SLMAP: variants seen among roughly 807,000 people sequenced by gnomAD.
SLMAP encodes sarcolemma associated protein.
A neutral mutation model predicts 128.8 loss-of-function variants in SLMAP; 44 were observed. The ratio of observed to expected loss-of-function variants is 0.34; its 90% CI spans 0.27 to 0.44. SLMAP has a LOEUF of 0.44. Ranked by LOEUF, SLMAP falls within the 20% of genes least tolerant of loss-of-function variation. SLMAP has a pLI of 1.00. For missense variants in SLMAP, 787 were observed against 985.3 expected (o/e 0.80, Z 2.69); for synonymous variants, 327 against 348.8 (o/e 0.94, Z 0.70).
At chr3:57,874,859 CAAAA>C (rs1181269991) in intron 14 of SLMAP, among the ~76,000 whole-genome samples, 1 of 67,418 alleles carries the variant, frequency 1.5e-5, no homozygotes. Context: ...AACTCTGTCT[CAAAA>C]AAAAAAAAAA....
At position 57,891,338 on chromosome 3, in the gene SLMAP, G is replaced by A. The variant is rs190470634; in HGVS notation, c.1360+1238G>A. 493 of 151,958 alleles carry A rather than the reference G, an allele frequency of 3.2e-3. 2 individuals are homozygous for A. The highest frequency in any genetic ancestry group is 0.011 in the African/African-American group (467 of 41,444). 9.4% of individuals were successfully genotyped at this position (151,958 alleles called of 1,614,324 possible). A position where few individuals can be genotyped will look rare whatever the true frequency, so the allele number is the denominator to read the frequency against. The stretch of plus-strand genomic sequence containing the variant: ...TATTGGAAAAGTTTTGTGCATTACT[G>A]ATTTCCCTTTTTAATTTATTGTTTT... On this transcript the variant is annotated intron_variant, in intron 15 of 24. Coordinates refer to ENST00000671191, the MANE Select transcript of SLMAP (RefSeq NM_001377540.1).
rs879633348 is a variant in SLMAP at position 57,923,150 on chromosome 3, A to G, written c.2445+127A>G. 9.2e-6 allele frequency: 8 copies of G among 869,400 alleles called. No individual in the cohort carries two copies. The Admixed American group carries it at 9.2e-5, about 10-fold the overall frequency. The allele number at this position is 869,400 out of a possible 1,614,324, so 53.9% of individuals were successfully genotyped here. ...CAGATGAAATAGGCTTTTCATTATG[A>G]AATTCCATGATAGAATCATTGTGCT... On this transcript the variant is annotated intron_variant, in intron 23 of 24. Transcript: ENST00000671191.
At chr3:57,803,787 G>T (rs1201001400) in intron 2 of SLMAP, among the ~76,000 whole-genome samples, 1 of 152,096 alleles carries the variant, frequency 6.6e-6, no homozygotes, top group Non-Finnish European at 1.5e-5. Context: ...TGCTTTTCTA[G>T]CTCGCCTAAA....
intron 3 of SLMAP, among the ~76,000 whole-genome samples, chr3:57,831,997 G>A (rs2093366926): frequency 6.6e-6 from 1 of 152,220 alleles, no homozygotes; most frequent in Admixed American, 6.5e-5. Flanking sequence ...CAAGCCCCAG[G>A]CATCATTTTC....
chr3:57,784,909 T>C (rs1698077042), intron 2 of SLMAP, among the ~76,000 whole-genome samples: 1 of 152,148 alleles, frequency 6.6e-6, no homozygotes, highest in Admixed American at 6.5e-5. Flanking sequence ...TCTTGTGCTC[T>C]CTTACCCTTT....
At chr3:57,916,091 G>A (rs1425460490) in intron 21 of SLMAP, among the ~76,000 whole-genome samples, 2 of 151,148 alleles carry the variant, frequency 1.3e-5, no homozygotes, top group Non-Finnish European at 2.9e-5. Context: ...GGGAGGCAGA[G>A]GTTGCAGTGA....
At chr3:57,782,424 A>G (rs115557999) in intron 2 of SLMAP, among the ~76,000 whole-genome samples, 1,927 of 152,304 alleles carry the variant, frequency 0.013, 28 homozygotes, top group African/African-American at 0.044. Flanking sequence ...GCTTTCTGAT[A>G]TCATTTAGTT....
At chr3:57,921,039 G>T (rs182314775) in intron 22 of SLMAP, among the ~76,000 whole-genome samples, 93 of 151,666 alleles carry the variant, frequency 6.1e-4, no homozygotes, top group African/African-American at 2.1e-3. Context: ...AGGGATGGCA[G>T]AGTGGGGTAG....
intron 22 of SLMAP, chr3:57,917,339 A>C (rs576928799): frequency 1.4e-6 from 1 of 718,930 alleles, no homozygotes; most frequent in African/African-American, 1.8e-5. Context: ...TATATGAGAA[A>C]TCCTTTGTAC....
At chr3:57,899,529 G>A (rs1383050136) in intron 17 of SLMAP, 4 of 152,052 alleles carry the variant, frequency 2.6e-5, no homozygotes, top group Non-Finnish European at 5.9e-5. Context: ...AGATTTTGTG[G>A]CTTGATTTTA....
intron 2 of SLMAP, among the ~76,000 whole-genome samples, chr3:57,808,146 T>C (rs2090251048): frequency 6.6e-6 from 1 of 151,986 alleles, no homozygotes; most frequent in Admixed American, 6.6e-5. Context: ...CTATTCTCTC[T>C]TTTCTTCTTT....
Position 57,860,849 on chromosome 3 carries a change from T to C in SLMAP, c.828+10T>C. 1.4e-6 allele frequency: 2 copies of C among 1,471,844 alleles called. No individual in the cohort carries two copies. Among genetic ancestry groups the C allele is most frequent in the Non-Finnish European group, 1.8e-6 (2 of 1,089,042 alleles). 91.2% of individuals were successfully genotyped at this position (1,471,844 alleles called of 1,614,324 possible). The stretch of plus-strand genomic sequence containing the variant: ...ACTTTCAGAAGTTGAGGTATTTCAA[T>C]CAAAAAAAAAATACTAAATAGTATT... On this transcript the variant is annotated intron_variant, in intron 9 of 24. Transcript: ENST00000671191.
rs2077838656 is a variant in SLMAP at position 57,757,641 on chromosome 3, G to C, written c.-11G>C. ...GTCCCTGGTAGGAGAGACACCCCCA[G>C]TCTATCCTCGATGCCGTCAGCCTTG... On this transcript the variant is annotated 5_prime_UTR_variant, in exon 2 of 25. Transcript: ENST00000671191. 8 of 1,613,552 alleles carry C rather than the reference G, an allele frequency of 5.0e-6. No homozygotes were observed. The highest frequency in any genetic ancestry group is 6.8e-6 in the Non-Finnish European group (8 of 1,179,914).
At chr3:57,786,745 T>G (rs914892255) in intron 2 of SLMAP, among the ~76,000 whole-genome samples, 39 of 147,782 alleles carry the variant, frequency 2.6e-4, no homozygotes, top group African/African-American at 9.5e-4. Flanking sequence ...TTTTTTTTTT[T>G]TTTTTTGAGT....
intron 17 of SLMAP, among the ~76,000 whole-genome samples, chr3:57,906,028 T>A (rs2096528592): frequency 6.9e-6 from 1 of 144,984 alleles, no homozygotes; most frequent in South Asian, 2.1e-4. Flanking sequence ...AGCATCATGA[T>A]GCTTCTCTTC....
At chr3:57,801,930 C>T (rs2088536539) in intron 2 of SLMAP, among the ~76,000 whole-genome samples, 1 of 151,980 alleles carries the variant, frequency 6.6e-6, no homozygotes, top group Non-Finnish European at 1.5e-5. Context: ...ATACTTTTTG[C>T]TACATTTGAC....
At chr3:57,785,447 A>G (rs572167640) in intron 2 of SLMAP, among the ~76,000 whole-genome samples, 135 of 152,322 alleles carry the variant, frequency 8.9e-4, no homozygotes, top group South Asian at 5.6e-3. Flanking sequence ...ATAATTATGC[A>G]TTTAAGGGGA....
At chr3:57,902,594 G>A (rs2096415584) in intron 17 of SLMAP, among the ~76,000 whole-genome samples, 1 of 152,142 alleles carries the variant, frequency 6.6e-6, no homozygotes, top group South Asian at 2.1e-4. Context: ...GGTAATTACT[G>A]TGGAAATTTC....
intron 22 of SLMAP, among the ~76,000 whole-genome samples, chr3:57,920,802 G>A (rs190629388): frequency 2.0e-5 from 3 of 152,168 alleles, no homozygotes; most frequent in Admixed American, 1.3e-4. Flanking sequence ...ATCACTCAAG[G>A]TCAGGAGTTC....
Sources: allele counts gnomAD v4.1 joint callset (sites outside exome capture counted in the v4.1 genomes callset), GRCh38; gene constraint gnomAD v4.1.1; transcripts MANE v1.5; gene names NCBI Gene and HGNC (gene_info 2026-07-23, HGNC 2026-07-21).